SEMA3D: variants seen among roughly 807,000 people sequenced by gnomAD.
SEMA3D encodes semaphorin 3D.
A neutral mutation model predicts 100.1 loss-of-function variants in SEMA3D; 84 were observed. The ratio of observed to expected loss-of-function variants is 0.84; its 90% CI spans 0.70 to 1.01. The LOEUF (loss-of-function observed/expected upper bound fraction) is 1.01, where lower values mean the gene tolerates loss of function less well. Ranked by LOEUF, SEMA3D falls within the 50% of genes least tolerant of loss-of-function variation. The pLI is 0.00. For synonymous variants in SEMA3D, 312 were observed against 320.7 expected (o/e 0.97, Z 0.29); for missense variants, 875 against 934.1 (o/e 0.94, Z 0.82).
chr7:85,052,128 A>G (rs1483941992), intron 9 of SEMA3D, among the ~76,000 whole-genome samples: 1 of 151,952 alleles, frequency 6.6e-6, no homozygotes, highest in Non-Finnish European at 1.5e-5. Context: ...TTCTATCTGA[A>G]CTATCTCTTG....
chr7:85,087,473 G>T (rs1277931181), intron 4 of SEMA3D, among the ~76,000 whole-genome samples: 2 of 152,142 alleles, frequency 1.3e-5, no homozygotes, highest in Non-Finnish European at 2.9e-5. Flanking sequence ...CTTTTCTGTG[G>T]ATCCAGAAGA....
intron 3 of SEMA3D, among the ~76,000 whole-genome samples, chr7:85,107,895 A>G (rs1319738961): frequency 6.6e-6 from 1 of 151,982 alleles, no homozygotes; most frequent in Non-Finnish European, 1.5e-5. Flanking sequence ...TAACAGGTTC[A>G]TAAATTATCT....
At chr7:85,056,200 G>A (rs1380169342) in intron 8 of SEMA3D, among the ~76,000 whole-genome samples, 1 of 151,684 alleles carries the variant, frequency 6.6e-6, no homozygotes, top group Non-Finnish European at 1.5e-5. Context: ...TTTCATAAAC[G>A]GCTTAGGAAA....
chr7:85,236,953 A>C, the SEMA3D span, among the ~76,000 whole-genome samples: 1 of 152,292 alleles, frequency 6.6e-6, no homozygotes, highest in East Asian at 1.9e-4. Context: ...TGCATTTGAA[A>C]TAGTACAGAG....
intron 2 of SEMA3D, among the ~76,000 whole-genome samples, chr7:85,129,911 G>A (rs973898768): frequency 3.3e-5 from 5 of 151,908 alleles, no homozygotes; most frequent in African/African-American, 9.7e-5. Flanking sequence ...AATTCTCCAG[G>A]AACACATGTA....
intron 15 of SEMA3D, among the ~76,000 whole-genome samples, chr7:85,017,486 A>G (rs1471459460): frequency 1.3e-5 from 2 of 151,786 alleles, no homozygotes; most frequent in African/African-American, 2.4e-5. Context: ...AACTATTTAG[A>G]TAATTTCCTA....
At chr7:85,224,207 G>A in the SEMA3D span, among the ~76,000 whole-genome samples, 32 of 152,206 alleles carry the variant, frequency 2.1e-4, 1 homozygote, top group Middle Eastern at 6.8e-3. Context: ...TAAAATTGCC[G>A]AATATTAGAG....
chr7:85,190,587 T>C (rs1791674222), upstream of SEMA3D, among the ~76,000 whole-genome samples: 1 of 152,088 alleles, frequency 6.6e-6, no homozygotes, highest in Non-Finnish European at 1.5e-5. Flanking sequence ...AATACACTCA[T>C]CACTGGATCA....
intron 5 of SEMA3D, among the ~76,000 whole-genome samples, chr7:85,077,514 A>G (rs920500803): frequency 8.5e-5 from 13 of 152,150 alleles, no homozygotes; most frequent in Non-Finnish European, 1.6e-4. Context: ...AAATTAAAAA[A>G]ATATGGGCCG....
chr7:85,215,149 T>C, the SEMA3D span, among the ~76,000 whole-genome samples: 1 of 151,174 alleles, frequency 6.6e-6, no homozygotes, highest in Non-Finnish European at 1.5e-5. Context: ...AGCTTTAAGG[T>C]TTCTGGACAT....
intron 18 of SEMA3D, among the ~76,000 whole-genome samples, chr7:85,003,102 A>C: frequency 6.6e-6 from 1 of 152,132 alleles, no homozygotes; most frequent in East Asian, 1.9e-4. Flanking sequence ...CTGTTGCAAA[A>C]ATTTTTCTGT....
At position 85,022,631 on chromosome 7, in the gene SEMA3D, G is replaced by A; in HGVS notation, c.1192-18C>T. ...CTTGGACACTGAAAATAAATGTGGAGGAAAGTAAAGACATTGTTTATGCAC... is the reference window on the plus strand; with the variant it reads ...CTTGGACACTGAAAATAAATGTGGAAGAAAGTAAAGACATTGTTTATGCAC... On this transcript the variant is annotated intron_variant, in intron 12 of 18. Transcript: ENST00000284136. The A allele has an allele frequency of 6.5e-7, 1 of 1,527,936 alleles. No homozygotes were observed. The highest frequency in any genetic ancestry group is 9.1e-7 in the Non-Finnish European group (1 of 1,102,544). 94.6% of individuals were successfully genotyped at this position (1,527,936 alleles called of 1,614,324 possible).
the SEMA3D span, among the ~76,000 whole-genome samples, chr7:85,229,314 T>C: frequency 6.6e-6 from 1 of 152,116 alleles, no homozygotes; most frequent in South Asian, 2.1e-4. Flanking sequence ...AAAATATAAT[T>C]GAAAGATTAC....
At chr7:85,225,079 TATATATATATATATA>T in the SEMA3D span, among the ~76,000 whole-genome samples, 1 of 15,268 alleles carries the variant, frequency 6.5e-5, no homozygotes, top group Non-Finnish European at 1.3e-4. Flanking sequence ...TATATATATA[TATATATATATATATA>T]TATATATATA....
chr7:85,204,715 T>C, the SEMA3D span, among the ~76,000 whole-genome samples: 175 of 152,218 alleles, frequency 1.1e-3, 2 homozygotes, highest in African/African-American at 4.0e-3. Flanking sequence ...CAGAGATCTT[T>C]GGAACCAGTG....
rs571132725 is a variant in SEMA3D, at chr7:85,037,071, A to G, written c.1047-38T>C. 5.6e-6 allele frequency: 9 copies of G among 1,594,304 alleles called. No individual in the cohort carries two copies. The South Asian group carries it at 1.0e-4, about 18-fold the overall frequency. On this transcript the variant is annotated intron_variant, in intron 11 of 18. Transcript: ENST00000284136. The stretch of plus-strand genomic sequence containing the variant: ...AGCATCATCATTCAATCATTCACTG[A>G]TGAATTCAATAAACATTGACTGAGC...
intron 1 of SEMA3D, among the ~76,000 whole-genome samples, chr7:85,185,899 G>C (rs1025369780): frequency 6.6e-6 from 1 of 152,148 alleles, no homozygotes; most frequent in Admixed American, 6.5e-5. Flanking sequence ...AGTCAAATCC[G>C]GCCTTTCCAA....
chr7:85,159,487 G>T lies in SEMA3D; in HGVS notation c.-172-5748C>A. The stretch of plus-strand genomic sequence containing the variant: ...CCATCTTCTGTCACTTCCATCCTCT[G>T]GTCATATACAAACCACATGTGTACT... On this transcript the variant is annotated intron_variant, in intron 1 of 18. Coordinates refer to ENST00000284136, the MANE Select transcript of SEMA3D (RefSeq NM_001384900.1). Among the ~76,000 whole-genome samples the T allele has an allele frequency of 2.0e-5, 3 of 152,146 alleles. 1 individual carries two copies. In the Middle Eastern group the frequency reaches 0.01, roughly 518 times the overall value.
chr7:85,083,616 G>T (rs900303825), intron 4 of SEMA3D, among the ~76,000 whole-genome samples: 1 of 145,302 alleles, frequency 6.9e-6, no homozygotes, highest in Non-Finnish European at 1.5e-5. Context: ...AGGCCGAGGC[G>T]GGCGGATCAC....
Sources: gnomAD v4.1 joint callset for allele counts (sites outside exome capture counted in the v4.1 genomes callset) on GRCh38, gnomAD v4.1.1 for gene constraint, MANE v1.5 for transcripts, NCBI Gene and HGNC (gene_info 2026-07-23, HGNC 2026-07-21) for gene names.